The following CCDC60 variants were observed in gnomAD, a reference collection of about 807,000 sequenced individuals.
The protein encoded by CCDC60 is coiled-coil domain containing 60.
In CCDC60, 54 loss-of-function variants were observed where a neutral mutation model predicts 63.5. The observed-to-expected ratio is 0.85, with a 90% CI of 0.68 to 1.07. The LOEUF (loss-of-function observed/expected upper bound fraction) is 1.07, where lower values mean the gene tolerates loss of function less well. Ranked by LOEUF, CCDC60 falls within the 50% of genes least tolerant of loss-of-function variation. The pLI, the probability that CCDC60 is intolerant of heterozygous loss-of-function variation, is 0.00. For synonymous variants in CCDC60, 206 were observed against 238.8 expected, an observed-to-expected ratio of 0.86 and a Z score of 1.27; for missense variants, 651 against 684.3, an observed-to-expected ratio of 0.95 and a Z score of 0.54.
chr12:119,467,296 G>C (rs780603379), intron 2 of CCDC60, among the ~76,000 whole-genome samples: 2 of 152,222 alleles, frequency 1.3e-5, no homozygotes, highest in Non-Finnish European at 2.9e-5. Context: ...ATCAGTATCA[G>C]TCTTGACTTC....
Position 119,522,968 on chromosome 12 carries a change from G to C in CCDC60, c.1070G>C (p.Ser357Thr). ...SERSSSTSAE[S>T]HIQPVQKKSK... ...AGATCCAGCAGTACAAGTGCAGAAAGCCACATCCAACCAGTCCAGAAGAAG... is the reference window on the plus strand; with the variant it reads ...AGATCCAGCAGTACAAGTGCAGAAACCCACATCCAACCAGTCCAGAAGAAG... The change falls in exon 10 of 14, where the codon AGC becomes ACC. Residue 357 changes from serine to threonine, a missense_variant. Ser to Thr is a moderately conservative substitution (Grantham distance 58). Coordinates refer to ENST00000327554, the MANE Select transcript of CCDC60 (RefSeq NM_178499.5). 1.9e-6 allele frequency: 3 copies of C among 1,614,178 alleles called. No individual in the cohort carries two copies. The highest frequency in any genetic ancestry group is 1.7e-6 in the Non-Finnish European group (2 of 1,180,016).
chr12:119,477,109 G>C (rs953893747), intron 3 of CCDC60, among the ~76,000 whole-genome samples: 1 of 152,174 alleles, frequency 6.6e-6, no homozygotes, highest in Non-Finnish European at 1.5e-5. Context: ...CTGTCAGTTC[G>C]TGAGCTTGGT....
intron 1 of CCDC60, among the ~76,000 whole-genome samples, chr12:119,353,528 G>GTCTCTCAT (rs999245788): frequency 2.1e-5 from 3 of 146,188 alleles, no homozygotes; most frequent in Non-Finnish European, 4.5e-5. Context: ...CTCTCTCTCT[G>GTCTCTCAT]TCTCTCATTC....
intron 1 of CCDC60, among the ~76,000 whole-genome samples, chr12:119,418,068 G>A (rs1367900939): frequency 6.6e-6 from 1 of 152,068 alleles, no homozygotes; most frequent in African/African-American, 2.4e-5. Flanking sequence ...ACAACAGGCA[G>A]TCAAATACCC....
chr12:119,483,078 C>A (rs1473144086), intron 4 of CCDC60, among the ~76,000 whole-genome samples: 1 of 152,114 alleles, frequency 6.6e-6, no homozygotes, highest in Non-Finnish European at 1.5e-5. Context: ...TCAGAATGAA[C>A]ACAGTTACCC....
chr12:119,403,804 G>A (rs1290719820), intron 1 of CCDC60, among the ~76,000 whole-genome samples: 1 of 151,970 alleles, frequency 6.6e-6, no homozygotes. Context: ...CCTCTGCCTG[G>A]CACATCTTCC....
At chr12:119,432,510 A>G (rs961539048) in intron 2 of CCDC60, among the ~76,000 whole-genome samples, 1 of 152,234 alleles carries the variant, frequency 6.6e-6, no homozygotes, top group African/African-American at 2.4e-5. Context: ...GCCTTCAGGT[A>G]GATGAGGCCA....
intron 7 of CCDC60, among the ~76,000 whole-genome samples, chr12:119,507,606 ATATATATATTT>A (rs1952080899): frequency 7.6e-5 from 2 of 26,180 alleles, no homozygotes; most frequent in Admixed American, 5.3e-4. Flanking sequence ...ATATATATAT[ATATATATATTT>A]TTTTTTTTTT....
chr12:119,369,405 G>A (rs368040214), intron 1 of CCDC60, among the ~76,000 whole-genome samples: 26 of 152,234 alleles, frequency 1.7e-4, no homozygotes, highest in African/African-American at 6.0e-4. Flanking sequence ...GTTTTATTGG[G>A]TTAGAAAAAA....
chr12:119,356,763 C>A (rs1955723514), intron 1 of CCDC60, among the ~76,000 whole-genome samples: 1 of 152,182 alleles, frequency 6.6e-6, no homozygotes, highest in Non-Finnish European at 1.5e-5. Context: ...GAAAAATTGG[C>A]CTTTCATCAT....
rs1566019638 is a variant in CCDC60 at position 119,456,060 on chromosome 12, A to AAGCAAGCAAGCAAGCAAGCAAGC, written c.171-15933_171-15932insGCAAGCAAGCAAGCAAGCAAGCA. ...GAAAGAAAGAAAGAAAGAAAGAAAGAAAGCAAGCAAGCATGTGCAATTTCA... is the reference window on the plus strand; with the variant it reads ...GAAAGAAAGAAAGAAAGAAAGAAAGAAGCAAGCAAGCAAGCAAGCAAGCAAGCAAGCAAGCATGTGCAATTTCA... On this transcript the variant is annotated intron_variant, in intron 2 of 13. Coordinates refer to ENST00000327554, the MANE Select transcript of CCDC60 (RefSeq NM_178499.5). The surrounding 1 kb of genome is among the most constrained non-coding windows in gnomAD (Gnocchi z 4.6). 1.1e-4 allele frequency among the ~76,000 whole-genome samples: 13 copies of AAGCAAGCAAGCAAGCAAGCAAGC among 118,876 alleles called. No individual in the cohort carries two copies. The highest frequency in any genetic ancestry group is 9.6e-4 in the Admixed American group (11 of 11,414). The allele number at this position is 118,876 out of a possible 152,430, so 78.0% of individuals were successfully genotyped here. A position where few individuals can be genotyped will look rare whatever the true frequency, so the allele number is the denominator to read the frequency against.
chr12:119,524,949 A>C (rs74906752), intron 11 of CCDC60, among the ~76,000 whole-genome samples: 1,571 of 151,978 alleles, frequency 0.01, 28 homozygotes, highest in South Asian at 0.066. Flanking sequence ...TGCAAGCATG[A>C]GCCACCACAC....
chr12:119,522,544 A>G (rs987721105), intron 9 of CCDC60, among the ~76,000 whole-genome samples: 1 of 152,206 alleles, frequency 6.6e-6, no homozygotes, highest in Admixed American at 6.5e-5. Flanking sequence ...GAGTGTGGAA[A>G]GGTCCTAAGT....
chr12:119,385,646 T>C (rs1042983010), intron 1 of CCDC60, among the ~76,000 whole-genome samples: 1 of 152,224 alleles, frequency 6.6e-6, no homozygotes, highest in African/African-American at 2.4e-5. Flanking sequence ...TCTTTATAAA[T>C]AGCCTGAAAA....
At chr12:119,439,458 A>G (rs1189439488) in intron 2 of CCDC60, among the ~76,000 whole-genome samples, 4 of 152,208 alleles carry the variant, frequency 2.6e-5, no homozygotes, top group African/African-American at 7.2e-5. Context: ...AGGAAATTTC[A>G]GGAGATAAAA....
intron 1 of CCDC60, among the ~76,000 whole-genome samples, chr12:119,384,485 C>T (rs1267339134): frequency 1.3e-5 from 2 of 152,208 alleles, no homozygotes; most frequent in East Asian, 3.8e-4. Flanking sequence ...GAAATTAATA[C>T]TTGGAGTCAG....
intron 2 of CCDC60, among the ~76,000 whole-genome samples, chr12:119,449,446 G>T (rs1043200427): frequency 4.6e-5 from 7 of 151,978 alleles, no homozygotes; most frequent in African/African-American, 1.7e-4. Flanking sequence ...ATCCTGTTTG[G>T]ATCATTCAGC....
chr12:119,370,223 T>C (rs1210714027), intron 1 of CCDC60, among the ~76,000 whole-genome samples: 3 of 152,204 alleles, frequency 2.0e-5, no homozygotes, highest in African/African-American at 7.2e-5. Flanking sequence ...ACAGAATCCA[T>C]AATGAATTAA....
chr12:119,510,189 C>G (rs1047674088), intron 7 of CCDC60, among the ~76,000 whole-genome samples: 5 of 152,244 alleles, frequency 3.3e-5, no homozygotes, highest in Non-Finnish European at 5.9e-5. Flanking sequence ...TTCTCTCTAG[C>G]TCAACATCTT....
Sources: allele counts gnomAD v4.1 joint callset (sites outside exome capture counted in the v4.1 genomes callset), GRCh38; gene constraint gnomAD v4.1.1; non-coding constraint Gnocchi (gnomAD v3.1); transcripts MANE v1.5; gene names NCBI Gene and HGNC (gene_info 2026-07-23, HGNC 2026-07-21).